The following CD96 variants were observed in gnomAD, a reference collection of about 807,000 sequenced individuals.
The protein encoded by CD96 is CD96 molecule.
A neutral mutation model predicts 71.3 loss-of-function variants in CD96; 70 were observed. That is an observed-to-expected ratio of 0.98 (90% confidence interval 0.81 to 1.20). CD96 has a LOEUF of 1.20. Ranked by LOEUF, CD96 falls within the 50% of genes most tolerant of loss-of-function variation. The probability of loss-of-function intolerance (pLI) is 0.00; values close to 1 mark genes in which losing one functional copy is unlikely to be tolerated. For synonymous variants in CD96, 248 were observed against 233.0 expected (o/e 1.06, Z -0.59); for missense variants, 742 against 677.5 (o/e 1.10, Z -1.06).
At chr3:111,566,380 T>C (rs889652900) in intron 2 of CD96, among the ~76,000 whole-genome samples, 6 of 152,014 alleles carry the variant, frequency 3.9e-5, no homozygotes, top group African/African-American at 1.2e-4. Context: ...GATTCAATAA[T>C]TGGAAATGAC....
intron 7 of CD96, among the ~76,000 whole-genome samples, chr3:111,602,659 C>T (rs1404969391): frequency 6.6e-6 from 1 of 152,178 alleles, no homozygotes; most frequent in Non-Finnish European, 1.5e-5. Context: ...TAAACACTTA[C>T]TTCCACACAG....
intron 2 of CD96, 105 bp downstream of exon 2, chr3:111,545,507 G>A: frequency 1.3e-6 from 1 of 787,932 alleles, no homozygotes. Flanking sequence ...AGCATACAAA[G>A]GTTGAGCAGA....
At chr3:111,587,585 G>T (rs1377401758) in intron 5 of CD96, among the ~76,000 whole-genome samples, 1 of 152,250 alleles carries the variant, frequency 6.6e-6, no homozygotes, top group Non-Finnish European at 1.5e-5. Context: ...GCATAGTGGG[G>T]ACTACTTGTG....
intron 3 of CD96, among the ~76,000 whole-genome samples, chr3:111,568,094 C>G (rs1935808779): frequency 6.6e-6 from 1 of 152,164 alleles, no homozygotes; most frequent in Admixed American, 6.5e-5. Context: ...AGCACAGACT[C>G]TAATGCTTGT....
intron 14 of CD96, among the ~76,000 whole-genome samples, chr3:111,657,561 AT>A (rs1940263062): frequency 6.6e-6 from 1 of 152,208 alleles, no homozygotes; most frequent in Middle Eastern, 3.4e-3. Context: ...TGGTAGTAAG[AT>A]TTTTTTATTG....
intron 5 of CD96, chr3:111,593,753 G>T: frequency 6.2e-7 from 1 of 1,614,118 alleles, no homozygotes; most frequent in Non-Finnish European, 8.5e-7. Flanking sequence ...GGCCCACAAA[G>T]CCATGGTGCC....
chr3:111,589,802 T>C (rs928997298), intron 5 of CD96, among the ~76,000 whole-genome samples: 6 of 152,180 alleles, frequency 3.9e-5, no homozygotes, highest in African/African-American at 1.2e-4. Context: ...AGTATTATTA[T>C]GATGGAAGGA....
intron 8 of CD96, among the ~76,000 whole-genome samples, chr3:111,621,525 T>C (rs2107705631): frequency 6.6e-6 from 1 of 152,316 alleles, no homozygotes; most frequent in East Asian, 1.9e-4. Flanking sequence ...ACTTTAAAAA[T>C]ACATAACAAT....
intron 7 of CD96, among the ~76,000 whole-genome samples, chr3:111,602,494 G>C (rs752643112): frequency 3.9e-5 from 6 of 152,028 alleles, no homozygotes; most frequent in Non-Finnish European, 7.4e-5. Context: ...AAATATTAAA[G>C]ACAATTAATC....
At chr3:111,569,548 G>A (rs1387712695) in intron 3 of CD96, among the ~76,000 whole-genome samples, 1 of 152,196 alleles carries the variant, frequency 6.6e-6, no homozygotes, top group African/African-American at 2.4e-5. Flanking sequence ...GAAATGCATA[G>A]CTTGCTTAAT....
At chr3:111,623,423 G>A (rs1938600268) in intron 8 of CD96, among the ~76,000 whole-genome samples, 1 of 152,072 alleles carries the variant, frequency 6.6e-6, no homozygotes, top group Non-Finnish European at 1.5e-5. Flanking sequence ...ATGAGAGCAG[G>A]GACCCTGTCT....
chr3:111,561,955 G>A (rs1935451601), intron 2 of CD96, among the ~76,000 whole-genome samples: 1 of 151,418 alleles, frequency 6.6e-6, no homozygotes, highest in South Asian at 2.1e-4. Flanking sequence ...ATATTCGGGT[G>A]GGAGTGACCC....
intron 8 of CD96, among the ~76,000 whole-genome samples, chr3:111,620,625 A>G (rs1183230852): frequency 6.6e-6 from 1 of 152,194 alleles, no homozygotes; most frequent in African/African-American, 2.4e-5. Flanking sequence ...CTGGAGACCA[A>G]TAGGAGCGAA....
intron 2 of CD96, among the ~76,000 whole-genome samples, chr3:111,550,610 T>G (rs1934654532): frequency 6.6e-6 from 1 of 152,138 alleles, no homozygotes; most frequent in African/African-American, 2.4e-5. Context: ...AGAACAGTTT[T>G]TTTTTATTGT....
intron 10 of CD96, among the ~76,000 whole-genome samples, chr3:111,627,617 A>T (rs1012973978): frequency 6.6e-6 from 1 of 152,132 alleles, no homozygotes; most frequent in Admixed American, 6.5e-5. Context: ...TGCTGAAGAG[A>T]TCTCCAACAT....
At chr3:111,635,420 C>G (rs946601352) in intron 10 of CD96, among the ~76,000 whole-genome samples, 7 of 152,116 alleles carry the variant, frequency 4.6e-5, no homozygotes, top group South Asian at 2.1e-4. Context: ...TTTGAGGGGT[C>G]TTTTAAAATT....
chr3:111,613,909 A>G (rs1938086543), intron 8 of CD96, among the ~76,000 whole-genome samples: 1 of 152,248 alleles, frequency 6.6e-6, no homozygotes, highest in African/African-American at 2.4e-5. Context: ...TGGTTGATTA[A>G]ATAAGCTAAA....
At chr3:111,567,685 C>T in intron 3 of CD96, 38 bp downstream of exon 3, 1 of 1,572,016 alleles carries the variant, frequency 6.4e-7, no homozygotes, top group African/African-American at 1.4e-5. Context: ...CCTCAATGGT[C>T]TTTAAACATT....
Position 111,623,769 on chromosome 3 carries a change from C to A in CD96, c.1196C>A (p.Ser399Tyr). 1 of 1,610,006 alleles carries A rather than the reference C, an allele frequency of 6.2e-7. No individual in the cohort carries two copies. Among genetic ancestry groups the A allele is most frequent in the Non-Finnish European group, 8.5e-7 (1 of 1,176,212 alleles). Residue 399 changes from serine (S) to tyrosine (Y), a missense_variant, in exon 9 of 14, where the codon TCT (serine) becomes TAT (tyrosine). Physicochemically the swap from Ser to Tyr is moderately radical, Grantham distance 144. Transcript: ENST00000352690. Reference sequence around the variant, plus strand: ...TTCAAAATAGGATATCCAGCTACATCTTCAGTGACCCTTGTAGATGTGAGT... The same window carrying A: ...TTCAAAATAGGATATCCAGCTACATATTCAGTGACCCTTGTAGATGTGAGT... ...SVSPARYPATSSVTLVDVSAL... is the reference protein window; with the variant it reads ...SVSPARYPATYSVTLVDVSAL...
Sources: gnomAD v4.1 joint callset for allele counts (sites outside exome capture counted in the v4.1 genomes callset) on GRCh38, gnomAD v4.1.1 for gene constraint, MANE v1.5 for transcripts, NCBI Gene and HGNC (gene_info 2026-07-23, HGNC 2026-07-21) for gene names.